CTNNA3: variants seen among roughly 807,000 people sequenced by gnomAD.
The protein encoded by CTNNA3 is catenin alpha 3.
CTNNA3 carries 76 observed loss-of-function variants against 95.7 expected under a neutral mutation model. The observed-to-expected ratio is 0.79, with a 90% CI of 0.66 to 0.96. The LOEUF (loss-of-function observed/expected upper bound fraction) is 0.96, where lower values mean the gene tolerates loss of function less well. Ranked by LOEUF, CTNNA3 falls within the 40% of genes least tolerant of loss-of-function variation. The pLI is 0.00. For missense variants in CTNNA3, 1,191 were observed against 1,089.8 expected, an observed-to-expected ratio of 1.09 and a Z score of -1.31; for synonymous variants, 431 against 374.4, an observed-to-expected ratio of 1.15 and a Z score of -1.74.
At position 67,594,124 on chromosome 10, in the gene CTNNA3, T is replaced by A. The variant is rs146429530; in HGVS notation, c.292+12733A>T. On this transcript the variant is annotated intron_variant, in intron 3 of 17. Transcript: ENST00000433211. ...TAAGGCCTATTTGATTGTCATGAAT[T>A]AGCTTTTTGATGTGCTGCTGGATTC... Among the ~76,000 whole-genome samples, 402 of 152,260 alleles carry A rather than the reference T, an allele frequency of 2.6e-3. 2 individuals are homozygous for A. The highest frequency in any genetic ancestry group is 8.9e-3 in the African/African-American group (372 of 41,576).
In CTNNA3 at chr10:66,241,185, C is replaced by A. The variant is rs541789375; in HGVS notation, c.1884+39285G>T. ...AAAAAACAAAATAAATGCTCATACA[C>A]AATTGGGTAAATGTAAAACTGGCAA... On this transcript the variant is annotated intron_variant, in intron 13 of 17. Coordinates refer to ENST00000433211, the MANE Select transcript of CTNNA3 (RefSeq NM_013266.4). Among the ~76,000 whole-genome samples the A allele has an allele frequency of 1.4e-4, 22 of 152,062 alleles. No homozygotes were observed. In the East Asian group the frequency reaches 3.9e-3, roughly 27 times the overall value.
rs2133766979 is a variant in CTNNA3, at chr10:66,108,353, C to G, written c.1885-5104G>C. ...TTTCTGTTACACTGACCCCTTTTCTCCTCCTCAAACATGTCCCACTTGTCA... is the reference window on the plus strand; with the variant it reads ...TTTCTGTTACACTGACCCCTTTTCTGCTCCTCAAACATGTCCCACTTGTCA... On this transcript the variant is annotated intron_variant, in intron 13 of 17. Transcript: ENST00000433211. 2.0e-5 allele frequency among the ~76,000 whole-genome samples: 3 copies of G among 152,126 alleles called. No homozygotes were observed. The South Asian group carries it at 6.2e-4, about 32-fold the overall frequency.
At chr10:66,732,920 T>C (rs1008641522) in intron 9 of CTNNA3, among the ~76,000 whole-genome samples, 2 of 152,126 alleles carry the variant, frequency 1.3e-5, no homozygotes, top group Non-Finnish European at 1.5e-5. Flanking sequence ...CTCAGCCTCC[T>C]GAGTAGCTGG....
chr10:67,058,865 TAAAATGAAGATACTTAGTATGACTAC>T (rs1855593270), intron 7 of CTNNA3, among the ~76,000 whole-genome samples: 1 of 152,132 alleles, frequency 6.6e-6, no homozygotes, highest in African/African-American at 2.4e-5. Flanking sequence ...TCTAAGATCA[TAAAATGAAGATACTTAGTATGACTAC>T]ACCTGCCTAT....
At chr10:66,509,619 G>C (rs1410970688) in intron 11 of CTNNA3, among the ~76,000 whole-genome samples, 3 of 151,858 alleles carry the variant, frequency 2.0e-5, no homozygotes, top group Admixed American at 6.6e-5. Flanking sequence ...TTGTTGAAGA[G>C]GGTGTCATTT....
intron 7 of CTNNA3, among the ~76,000 whole-genome samples, chr10:67,096,937 G>C (rs986314824): frequency 4.0e-4 from 61 of 151,948 alleles, no homozygotes; most frequent in African/African-American, 1.4e-3. Flanking sequence ...GAATCTTCAT[G>C]ATAAAATAAA....
chr10:66,620,914 C>T (rs886987466), intron 10 of CTNNA3, among the ~76,000 whole-genome samples: 1 of 152,048 alleles, frequency 6.6e-6, no homozygotes, highest in Non-Finnish European at 1.5e-5. Flanking sequence ...ATCCTTATAA[C>T]ATTTGTGGTC....
intron 10 of CTNNA3, among the ~76,000 whole-genome samples, chr10:66,614,405 CA>C (rs1402888204): frequency 8.6e-5 from 13 of 152,032 alleles, no homozygotes; most frequent in African/African-American, 2.9e-4. Flanking sequence ...TAGGATATAT[CA>C]GCGGAACAAA....
At chr10:66,190,975 G>T (rs982372433) in intron 13 of CTNNA3, among the ~76,000 whole-genome samples, 5 of 152,040 alleles carry the variant, frequency 3.3e-5, no homozygotes, top group African/African-American at 1.2e-4. Flanking sequence ...TGAGGAAGAT[G>T]ATCATTAATC....
chr10:66,726,747 G>T (rs1336844226), intron 9 of CTNNA3, among the ~76,000 whole-genome samples: 1 of 152,150 alleles, frequency 6.6e-6, no homozygotes. Flanking sequence ...CTCATGCCGT[G>T]AACTCATCCA....
At chr10:66,235,469 A>G (rs1589811057) in intron 13 of CTNNA3, among the ~76,000 whole-genome samples, 1 of 151,674 alleles carries the variant, frequency 6.6e-6, no homozygotes, top group Non-Finnish European at 1.5e-5. Context: ...ATAAATTGAC[A>G]TATAAAATAA....
chr10:67,154,539 A>T (rs1861216243), intron 7 of CTNNA3, among the ~76,000 whole-genome samples: 2 of 152,118 alleles, frequency 1.3e-5, no homozygotes, highest in Non-Finnish European at 2.9e-5. Flanking sequence ...AAAAGGAAAA[A>T]CCCTTGGATG....
rs371766784 is a variant in CTNNA3 at position 67,356,343 on chromosome 10, C to T, written c.580-136473G>A. Among the ~76,000 whole-genome samples, 12 of 152,146 alleles carry T rather than the reference C, an allele frequency of 7.9e-5. 1 individual carries two copies. The East Asian group carries it at 1.6e-3, about 20-fold the overall frequency. On this transcript the variant is annotated intron_variant, in intron 5 of 17. Coordinates refer to ENST00000433211, the MANE Select transcript of CTNNA3 (RefSeq NM_013266.4). ...GTAGAAAACTGTGTCCCTTCTACCT[C>T]CCTCCAAAAATCCAGCCTTGCAACT...
intron 5 of CTNNA3, among the ~76,000 whole-genome samples, chr10:67,288,524 T>C (rs543486754): frequency 6.6e-6 from 1 of 152,310 alleles, no homozygotes; most frequent in East Asian, 1.9e-4. Flanking sequence ...ATTTTTTCTC[T>C]TCAAATAAGA....
chr10:67,065,938 CA>C (rs10714806), intron 7 of CTNNA3, among the ~76,000 whole-genome samples: 77,541 of 147,960 alleles, frequency 0.52, 20,163 homozygotes, highest in Middle Eastern at 0.65. Context: ...GGCTGCCATT[CA>C]AAAAAAAAAA....
chr10:67,474,280 TA>T (rs1847927903), intron 5 of CTNNA3, among the ~76,000 whole-genome samples: 1 of 152,150 alleles, frequency 6.6e-6, no homozygotes, highest in South Asian at 2.1e-4. Context: ...ATAAGGCCTT[TA>T]AAAAGGTAAT....
At chr10:66,654,286 G>T (rs927322818) in intron 9 of CTNNA3, among the ~76,000 whole-genome samples, 2 of 151,840 alleles carry the variant, frequency 1.3e-5, no homozygotes, top group Non-Finnish European at 2.9e-5. Context: ...AAAAAAATAG[G>T]CAAAATATCT....
intron 15 of CTNNA3, among the ~76,000 whole-genome samples, chr10:66,063,320 A>T (rs78597744): frequency 0.035 from 4,570 of 130,354 alleles, 98 homozygotes; most frequent in Admixed American, 0.067. Flanking sequence ...ATATATATAT[A>T]ATATATATAT....
chr10:66,520,892 A>C (rs1841042432), intron 10 of CTNNA3, 119 bp from the exon 11 acceptor site: 1 of 442,792 alleles, frequency 2.3e-6, no homozygotes, highest in East Asian at 3.8e-5. Context: ...AGAAATCTGC[A>C]CTTATAATTC....
Sources: allele counts gnomAD v4.1 joint callset (sites outside exome capture counted in the v4.1 genomes callset), GRCh38; gene constraint gnomAD v4.1.1; transcripts MANE v1.5; gene names NCBI Gene and HGNC (gene_info 2026-07-23, HGNC 2026-07-21).